Variants in ABT1 observed in about 807,000 individuals in gnomAD.
ABT1 encodes TATA-binding protein-binding protein.
In ABT1, 13 loss-of-function variants were observed where a neutral mutation model predicts 14.0. The ratio of observed to expected loss-of-function variants is 0.93; its 90% CI spans 0.61 to 1.48. ABT1 has a LOEUF of 1.48. Among genes scored for constraint, ABT1 ranks in the 40% most tolerant of loss-of-function variants. ABT1 has a pLI of 0.00. For synonymous variants in ABT1, 165 were observed against 144.6 expected, an observed-to-expected ratio of 1.14 and a Z score of -1.01; for missense variants, 430 against 380.0, an observed-to-expected ratio of 1.13 and a Z score of -1.09.
rs1554144573 is a variant in ABT1, at chr6:26,597,172, A to C, written c.190A>C (p.Asn64His). The C allele has an allele frequency of 6.2e-7, 1 of 1,614,238 alleles. No individual in the cohort carries two copies. The highest frequency in any genetic ancestry group is 2.2e-5 in the East Asian group (1 of 44,886). ...PPRFRPLHVRNLLSAYGEVGR... is the reference protein window; with the variant it reads ...PPRFRPLHVRHLLSAYGEVGR... ...GCGCTTCCGGCCCCTGCACGTCCGCAACCTTCTCAGCGCCTATGGCGAGGT... is the reference window on the plus strand; with the variant it reads ...GCGCTTCCGGCCCCTGCACGTCCGCCACCTTCTCAGCGCCTATGGCGAGGT... Residue 64 changes from asparagine (N) to histidine (H), a missense_variant, in exon 1 of 3, where the codon AAC (asparagine) becomes CAC (histidine). Physicochemically the swap from Asn to His is moderately conservative, Grantham distance 68 (BLOSUM62 1). Coordinates refer to ENST00000274849, the MANE Select transcript of ABT1 (RefSeq NM_013375.4).
Position 26,597,214 on chromosome 6 carries a change from C to T in ABT1, c.232C>T (p.Gln78Ter). The T allele has an allele frequency of 6.2e-7, 1 of 1,614,104 alleles. No individual in the cohort carries two copies. Among genetic ancestry groups the T allele is most frequent in the East Asian group, 2.2e-5 (1 of 44,890 alleles). The change falls in exon 1 of 3, where the codon CAG (glutamine) becomes TAG (stop). Residue 78 changes from glutamine to a stop codon, truncating the protein, a stop_gained. Transcript: ENST00000274849. LOFTEE classifies it high-confidence loss of function. ...TGGCGAGGTCGGACGCGTCTTCTTTCAGGCTGAGGGTAAGTATGCAGGCCC... is the reference window on the plus strand; with the variant it reads ...TGGCGAGGTCGGACGCGTCTTCTTTTAGGCTGAGGGTAAGTATGCAGGCCC... The part of the protein sequence containing the change: ...AYGEVGRVFF[Q>*]AEDRFVRRKK...
rs367885563 is a variant in ABT1, at chr6:26,597,990, C to T, written c.318C>T (p.Thr106=). Residue 106 remains threonine (T), a synonymous_variant, in exon 2 of 3, where the codon ACC becomes ACT. Coordinates refer to ENST00000274849, the MANE Select transcript of ABT1 (RefSeq NM_013375.4). Reference sequence around the variant, plus strand: ...AGCGGTCCTACACCAAGGACTACACCGAGGGATGGGTGGAGTTCCGTGACA... The same window carrying T: ...AGCGGTCCTACACCAAGGACTACACTGAGGGATGGGTGGAGTTCCGTGACA... ...GKKRSYTKDY[T]EGWVEFRDKR... is the part of the protein sequence containing the mutation. 6.2e-6 allele frequency: 10 copies of T among 1,614,080 alleles called. No homozygotes were observed. The African/African-American group carries it at 1.1e-4, about 17-fold the overall frequency.
In ABT1 at chr6:26,598,265, T is replaced by G; in HGVS notation, c.439T>G (p.Tyr147Asp). The G allele has an allele frequency of 6.2e-7, 1 of 1,611,972 alleles. No individual in the cohort carries two copies. The highest frequency in any genetic ancestry group is 1.1e-5 in the South Asian group (1 of 91,034). Residue 147 changes from tyrosine (Y) to aspartate (D), a missense_variant and splice_region_variant, in exon 3 of 3, where the codon TAC becomes GAC. Coordinates refer to ENST00000274849, the MANE Select transcript of ABT1 (RefSeq NM_013375.4). ...ATCTTTTCTTCTTTTCTGCCCACAG[T>G]ACTTGCACCGTTTCACCTGGTCCCA... ...PFRYDLWNLK[Y>D]LHRFTWSHLS... is the part of the protein sequence containing the mutation.
Position 26,597,037 on chromosome 6 carries a change from A to C in ABT1, c.55A>C (p.Thr19Pro). ...AACGGAGCAAGAGCCGCTGGAAGGG[A>C]CAGAACAGACACTAGATGCGGAGGA... ...AATEQEPLEGTEQTLDAEEEQ... is the reference protein window; with the variant it reads ...AATEQEPLEGPEQTLDAEEEQ... The change falls in exon 1 of 3, where the codon ACA becomes CCA. Residue 19 changes from threonine to proline, a missense_variant. Transcript: ENST00000274849. 6.2e-7 allele frequency: 1 copy of C among 1,613,754 alleles called. No individual in the cohort carries two copies. The highest frequency in any genetic ancestry group is 8.5e-7 in the Non-Finnish European group (1 of 1,179,988).
In ABT1 at chr6:26,598,567, AG is replaced by A. The variant is rs1554144831; in HGVS notation, c.744del (p.Leu249SerfsTer45). 1.2e-6 allele frequency: 2 copies of A among 1,608,162 alleles called. No homozygotes were observed. The highest frequency in any genetic ancestry group is 1.1e-5 in the South Asian group (1 of 90,960). ...TAQDKARSNK[G>X]LLARIFGAPP... ...CCCAGGACAAGGCCCGCTCCAACAA[AG>A]GGCTCCTGGCCAGGATCTTTGGAGC... On this transcript the variant is annotated frameshift_variant, in exon 3 of 3. Transcript: ENST00000274849. LOFTEE classifies it low-confidence loss of function (END_TRUNC).
Position 26,598,532 on chromosome 6 carries a change from C to T in ABT1, c.706C>T (p.Leu236=). The change falls in exon 3 of 3, where the codon CTG becomes TTG. Residue 236 remains leucine, a synonymous_variant. Coordinates refer to ENST00000274849, the MANE Select transcript of ABT1 (RefSeq NM_013375.4). ...ARPGGRERAR[L]ATAQDKARSN... ...GCCAGGGGGACGTGAACGGGCTCGCCTGGCAACTGCCCAGGACAAGGCCCG... is the reference window on the plus strand; with the variant it reads ...GCCAGGGGGACGTGAACGGGCTCGCTTGGCAACTGCCCAGGACAAGGCCCG... The T allele has an allele frequency of 6.2e-7, 1 of 1,613,694 alleles. No individual in the cohort carries two copies. The highest frequency in any genetic ancestry group is 2.2e-5 in the East Asian group (1 of 44,874).
rs1222791089 is a variant in ABT1 at position 26,597,103 on chromosome 6, A to G, written c.121A>G (p.Lys41Glu). ...ESEEAACGSK[K>E]RVVPGIVYLG... ...CGAAGAAGCGGCCTGTGGCAGCAAG[A>G]AACGGGTAGTGCCAGGTATTGTGTA... Residue 41 changes from lysine (K) to glutamate (E), a missense_variant, in exon 1 of 3, where the codon AAA (lysine) becomes GAA (glutamate). Transcript: ENST00000274849. The G allele has an allele frequency of 6.2e-7, 1 of 1,613,930 alleles. No homozygotes were observed. The highest frequency in any genetic ancestry group is 8.5e-7 in the Non-Finnish European group (1 of 1,179,970).
In ABT1 at chr6:26,598,057, C is replaced by T. The variant is rs781848064; in HGVS notation, c.385C>T (p.Pro129Ser). ...KRVAASLHNT[P>S]MGARRRSPFR... ...CGTGGCGGCCAGTCTACACAACACGCCTATGGGTGCCCGCAGGCGCAGCCC... is the reference window on the plus strand; with the variant it reads ...CGTGGCGGCCAGTCTACACAACACGTCTATGGGTGCCCGCAGGCGCAGCCC... The change falls in exon 2 of 3, where the codon CCT becomes TCT. Residue 129 changes from proline to serine, a missense_variant. Physicochemically the swap from Pro to Ser is moderately conservative, Grantham distance 74. Coordinates refer to ENST00000274849, the MANE Select transcript of ABT1 (RefSeq NM_013375.4). 6 of 1,614,170 alleles carry T rather than the reference C, an allele frequency of 3.7e-6. No homozygotes were observed. In the South Asian group the frequency reaches 6.6e-5, roughly 18 times the overall value.
rs782432875 is a variant in ABT1, at chr6:26,598,643, T to C, written c.817T>C (p.Ter273ArgextTer22). 6.4e-7 allele frequency: 1 copy of C among 1,551,150 alleles called. No individual in the cohort carries two copies. Among genetic ancestry groups the C allele is most frequent in the East Asian group, 2.3e-5 (1 of 44,112 alleles). Residue 273 changes from the stop codon to arginine, a stop_lost, in exon 3 of 3, where the codon TGA (stop) becomes CGA (arginine). Coordinates refer to ENST00000274849, the MANE Select transcript of ABT1 (RefSeq NM_013375.4). ...MEGPSLVRDS[*>R] ...GGGACCTTCCCTTGTCAGGGACTCCTGAGGGCCTGGGTGGCCCCTTCCATT... is the reference window on the plus strand; with the variant it reads ...GGGACCTTCCCTTGTCAGGGACTCCCGAGGGCCTGGGTGGCCCCTTCCATT...
chr6:26,597,342 GGT>G, intron 1 of ABT1, 119 bp downstream of exon 1: 2 of 1,503,676 alleles, frequency 1.3e-6, no homozygotes, highest in Non-Finnish European at 1.8e-6. Flanking sequence ...GGATTTTGGG[GGT>G]GGGGAGTGCG....
chr6:26,597,976 A>G lies in ABT1; in HGVS notation c.304A>G (p.Thr102Ala). The G allele has an allele frequency of 1.2e-6, 2 of 1,614,176 alleles. No individual in the cohort carries two copies. The highest frequency in any genetic ancestry group is 1.7e-6 in the Non-Finnish European group (2 of 1,180,002). The change falls in exon 2 of 3, where the codon ACC (threonine) becomes GCC (alanine). Residue 102 changes from threonine to alanine, a missense_variant. Coordinates refer to ENST00000274849, the MANE Select transcript of ABT1 (RefSeq NM_013375.4). ...TGCCGGAGGAAAAAAGCGGTCCTAC[A>G]CCAAGGACTACACCGAGGGATGGGT... is the stretch of plus-strand genomic sequence containing the variant. Reference protein sequence around the residue: ...AAAGGKKRSYTKDYTEGWVEF... With the variant: ...AAAGGKKRSYAKDYTEGWVEF...
rs782199636 is a variant in ABT1, at chr6:26,598,076, G to A, written c.404G>A (p.Arg135His). The A allele has an allele frequency of 1.2e-6, 2 of 1,613,214 alleles. No homozygotes were observed. The highest frequency in any genetic ancestry group is 1.7e-6 in the Non-Finnish European group (2 of 1,179,422). Residue 135 changes from arginine (R) to histidine (H), a missense_variant, in exon 2 of 3, where the codon CGC becomes CAC. Transcript: ENST00000274849. ...AACACGCCTATGGGTGCCCGCAGGCGCAGCCCCTTCCGTTATGATCTTTGG... is the reference window on the plus strand; with the variant it reads ...AACACGCCTATGGGTGCCCGCAGGCACAGCCCCTTCCGTTATGATCTTTGG... ...LHNTPMGARR[R>H]SPFRYDLWNL...
rs889380574 is a variant in ABT1 at position 26,598,493 on chromosome 6, C to G, written c.667C>G (p.Arg223Gly). The G allele has an allele frequency of 1.9e-6, 3 of 1,614,036 alleles. No individual in the cohort carries two copies. The highest frequency in any genetic ancestry group is 2.5e-6 in the Non-Finnish European group (3 of 1,179,912). ...QRPTEQELRA[R>G]KAARPGGRER... Reference sequence around the variant, plus strand: ...TCCTACTGAGCAGGAACTGAGGGCCCGTAAAGCAGCACGGCCAGGGGGACG... The same window carrying G: ...TCCTACTGAGCAGGAACTGAGGGCCGGTAAAGCAGCACGGCCAGGGGGACG... Residue 223 changes from arginine (R) to glycine (G), a missense_variant, in exon 3 of 3, where the codon CGT becomes GGT. Physicochemically the swap from Arg to Gly is moderately radical, Grantham distance 125 (BLOSUM62 -2). Coordinates refer to ENST00000274849, the MANE Select transcript of ABT1 (RefSeq NM_013375.4).
Position 26,598,603 on chromosome 6 carries a change from C to A in ABT1, c.777C>A (p.Pro259=), listed in dbSNP as rs782062919. 53 of 1,594,062 alleles carry A rather than the reference C, an allele frequency of 3.3e-5. No homozygotes were observed. The highest frequency in any genetic ancestry group is 4.3e-5 in the Non-Finnish European group (50 of 1,166,232). Residue 259 remains proline (P), a synonymous_variant, in exon 3 of 3, where the codon CCC becomes CCA. Coordinates refer to ENST00000274849, the MANE Select transcript of ABT1 (RefSeq NM_013375.4). ...LLARIFGAPP[P]SESMEGPSLV... ...CCAGGATCTTTGGAGCCCCGCCACC[C>A]TCAGAGAGCATGGAGGGACCTTCCC...
rs782097640 is a variant in ABT1, at chr6:26,598,365, G to T, written c.539G>T (p.Arg180Leu). ...RLRAEVAQAK[R>L]ETDFYLQSVE... The stretch of plus-strand genomic sequence containing the variant: ...AGAGCGGAGGTTGCTCAAGCCAAGC[G>T]TGAGACCGACTTCTATCTTCAAAGT... The change falls in exon 3 of 3, where the codon CGT becomes CTT. Residue 180 changes from arginine (R) to leucine (L), a missense_variant. Coordinates refer to ENST00000274849, the MANE Select transcript of ABT1 (RefSeq NM_013375.4). 6.2e-7 allele frequency: 1 copy of T among 1,614,278 alleles called. No individual in the cohort carries two copies. The highest frequency in any genetic ancestry group is 1.1e-5 in the South Asian group (1 of 91,090).
intron 1 of ABT1, 88 bp downstream of exon 1, chr6:26,597,311 G>C (rs1764915374): frequency 4.5e-6 from 7 of 1,548,640 alleles, no homozygotes; most frequent in Non-Finnish European, 6.1e-6. Context: ...TTCGCTGCGC[G>C]AGGCTGAGGC....
In ABT1 at chr6:26,598,258, C is replaced by T. The variant is rs1385512178; in HGVS notation, c.439-7C>T. Reference sequence around the variant, plus strand: ...TATCCTGATCTTTTCTTCTTTTCTGCCCACAGTACTTGCACCGTTTCACCT... The same window carrying T: ...TATCCTGATCTTTTCTTCTTTTCTGTCCACAGTACTTGCACCGTTTCACCT... On this transcript the variant is annotated splice_region_variant and splice_polypyrimidine_tract_variant and intron_variant, in intron 2 of 2. Coordinates refer to ENST00000274849, the MANE Select transcript of ABT1 (RefSeq NM_013375.4). The T allele has an allele frequency of 6.2e-7, 1 of 1,606,788 alleles. No individual in the cohort carries two copies. Among genetic ancestry groups the T allele is most frequent in the Non-Finnish European group, 8.5e-7 (1 of 1,174,358 alleles).
At chr6:26,598,134 A>G (rs1554144735) in intron 2 of ABT1, 24 bp downstream of exon 2, 3 of 1,593,278 alleles carry the variant, frequency 1.9e-6, no homozygotes, top group Admixed American at 3.4e-5. Context: ...TCTTTCTGCC[A>G]CACCTCTCAC....
chr6:26,600,305 T>C lies in ABT1; in HGVS notation c.*1660T>C, dbSNP rs1180311533. The C allele has an allele frequency of 6.6e-6, 1 of 152,208 alleles. No homozygotes were observed. Among genetic ancestry groups the C allele is most frequent in the Non-Finnish European group, 1.5e-5 (1 of 68,044 alleles). The allele number at this position is 152,208 out of a possible 1,614,324, so 9.4% of individuals were successfully genotyped here. A position where few individuals can be genotyped will look rare whatever the true frequency, so the allele number is the denominator to read the frequency against. On this transcript the variant is annotated 3_prime_UTR_variant, in exon 3 of 3. Coordinates refer to ENST00000274849, the MANE Select transcript of ABT1 (RefSeq NM_013375.4). The stretch of plus-strand genomic sequence containing the variant: ...TCTGCTAGATAAAGAGATACCAAGG[T>C]GAAGAAGAAACTTTCCCTCTAGTTG...
Sources: gnomAD v4.1 joint callset for allele counts on GRCh38, gnomAD v4.1.1 for gene constraint, MANE v1.5 for transcripts, NCBI Gene and HGNC (gene_info 2026-07-23, HGNC 2026-07-21) for gene names.